TENM3: variants seen among roughly 807,000 people sequenced by gnomAD.
The protein encoded by TENM3 is teneurin-3.
Under a neutral mutation model 255.1 loss-of-function variants are expected in TENM3, and 63 were observed. The observed-to-expected ratio is 0.25, with a 90% CI of 0.20 to 0.30. The LOEUF (loss-of-function observed/expected upper bound fraction) is 0.30, where lower values mean the gene tolerates loss of function less well. TENM3 is among the 10% of genes least tolerant of loss of function. The pLI, the probability that TENM3 is intolerant of heterozygous loss-of-function variation, is 1.00. For missense variants in TENM3, 2,929 were observed against 3,461.1 expected (o/e 0.85, Z 3.86); for synonymous variants, 1,306 against 1,322.3 (o/e 0.99, Z 0.27).
chr4:181,616,565 G>T, the TENM3 span, among the ~76,000 whole-genome samples: 102,418 of 151,076 alleles, frequency 0.68, 34,974 homozygotes, highest in East Asian at 0.73. Flanking sequence ...AGAGGATTTA[G>T]TGGGGGAATT....
chr4:181,911,368 G>GC, the TENM3 span, among the ~76,000 whole-genome samples: 4 of 152,106 alleles, frequency 2.6e-5, no homozygotes, highest in Non-Finnish European at 5.9e-5. Flanking sequence ...ATGCTGTGTT[G>GC]TTTTTTTCCC....
the TENM3 span, among the ~76,000 whole-genome samples, chr4:181,737,858 A>G: frequency 6.6e-6 from 1 of 151,428 alleles, no homozygotes; most frequent in East Asian, 1.9e-4. Flanking sequence ...TGGTACTCAA[A>G]TGCAGGATGT....
chr4:182,020,901 T>TTTTTA, the TENM3 span, among the ~76,000 whole-genome samples: 1 of 152,168 alleles, frequency 6.6e-6, no homozygotes, highest in African/African-American at 2.4e-5. Context: ...TTCTTTCTTA[T>TTTTTA]TTTTATTTTA....
chr4:181,542,288 G>T, the TENM3 span, among the ~76,000 whole-genome samples: 2 of 152,140 alleles, frequency 1.3e-5, no homozygotes, highest in Non-Finnish European at 2.9e-5. Context: ...GGAGAGCAGC[G>T]AGCCAGACAG....
rs1760579403 is a variant in TENM3, at chr4:182,730,213, A to G, written c.2599A>G (p.Ile867Val). 4 of 1,613,852 alleles carry G rather than the reference A, an allele frequency of 2.5e-6. No homozygotes were observed. The highest frequency in any genetic ancestry group is 3.4e-6 in the Non-Finnish European group (4 of 1,179,812). ...SPFNKSLASV[I>V]RGQVLTADGT... ...CTTTTCCAACAGCCTTGCATCTGTC[A>G]TCAGAGGCCAAGTACTGACTGCTGA... The change falls in exon 15 of 28, where the codon ATC (isoleucine) becomes GTC (valine). Residue 867 changes from isoleucine (I) to valine (V), a missense_variant. Ile to Val is a conservative substitution (Grantham distance 29, BLOSUM62 3). Coordinates refer to ENST00000511685, the MANE Select transcript of TENM3 (RefSeq NM_001080477.4).
chr4:182,032,562 T>C, the TENM3 span, among the ~76,000 whole-genome samples: 8 of 152,212 alleles, frequency 5.3e-5, no homozygotes, highest in Non-Finnish European at 1.2e-4. Context: ...GATGCTGGCC[T>C]TATAAAATGC....
At chr4:181,823,206 G>A in the TENM3 span, among the ~76,000 whole-genome samples, 2 of 152,296 alleles carry the variant, frequency 1.3e-5, no homozygotes, top group Admixed American at 1.3e-4. Context: ...ATTCAACAGT[G>A]ATTACTTTCT....
At chr4:181,526,901 T>A in the TENM3 span, among the ~76,000 whole-genome samples, 1 of 152,196 alleles carries the variant, frequency 6.6e-6, no homozygotes, top group Non-Finnish European at 1.5e-5. Flanking sequence ...TTTCGAGTAG[T>A]AGTAAAAACA....
At chr4:182,338,844 G>A (rs1764302375) in intron 2 of TENM3, among the ~76,000 whole-genome samples, 1 of 152,076 alleles carries the variant, frequency 6.6e-6, no homozygotes, top group Non-Finnish European at 1.5e-5. Context: ...TTGTGAAAGA[G>A]GAAGATTTGA....
chr4:182,446,791 C>T (rs1372780847), intron 3 of TENM3, among the ~76,000 whole-genome samples: 1 of 152,090 alleles, frequency 6.6e-6, no homozygotes, highest in East Asian at 1.9e-4. Context: ...TAATGTTCTG[C>T]CAATTTAATT....
At chr4:182,711,538 T>C in intron 12 of TENM3, 1 of 964,268 alleles carries the variant, frequency 1.0e-6, no homozygotes, top group South Asian at 4.8e-5. Flanking sequence ...ACTTCTGAAA[T>C]GTCTGTCTGT....
At chr4:181,605,552 A>AAGGGAGAGAGAG in the TENM3 span, among the ~76,000 whole-genome samples, 2 of 29,466 alleles carry the variant, frequency 6.8e-5, no homozygotes, top group Admixed American at 4.9e-4. Context: ...GAAAGAAAGA[A>AAGGGAGAGAGAG]AGAAAGAAAG....
At chr4:182,337,963 C>G (rs923997001) in intron 2 of TENM3, among the ~76,000 whole-genome samples, 10 of 151,986 alleles carry the variant, frequency 6.6e-5, no homozygotes. Flanking sequence ...CAGTGGTTGC[C>G]TGTTGGGTGG....
At chr4:182,673,296 A>T in intron 7 of TENM3, 77 bp downstream of exon 7, 1 of 1,039,120 alleles carries the variant, frequency 9.6e-7, no homozygotes, top group Non-Finnish European at 1.4e-6. Context: ...TCTTAAGCTC[A>T]GCTGTTTGGT....
At chr4:182,256,980 G>T (rs1758445611) in intron 1 of TENM3, among the ~76,000 whole-genome samples, 1 of 151,960 alleles carries the variant, frequency 6.6e-6, no homozygotes. Flanking sequence ...GCTCCCTCAG[G>T]GTAGAATTGG....
At chr4:182,289,073 T>A (rs551035672) in intron 1 of TENM3, among the ~76,000 whole-genome samples, 19 of 150,622 alleles carry the variant, frequency 1.3e-4, no homozygotes, top group East Asian at 9.8e-4. Context: ...AAAAAAAAAA[T>A]TTAAAAATTA....
At chr4:182,342,641 A>G (rs1163860078) in intron 2 of TENM3, among the ~76,000 whole-genome samples, 1 of 152,224 alleles carries the variant, frequency 6.6e-6, no homozygotes, top group African/African-American at 2.4e-5. Context: ...TTATGTTTCA[A>G]TAAAACTGTT....
intron 12 of TENM3, among the ~76,000 whole-genome samples, chr4:182,706,526 T>G (rs373243407): frequency 3.1e-4 from 47 of 152,298 alleles, no homozygotes; most frequent in African/African-American, 1.0e-3. Flanking sequence ...CACTTTTGCT[T>G]CTTTCTCAAA....
the TENM3 span, among the ~76,000 whole-genome samples, chr4:182,006,063 C>T: frequency 9.1e-4 from 139 of 152,234 alleles, no homozygotes; most frequent in African/African-American, 3.3e-3. Context: ...TTTATTTCTT[C>T]TCTTGCCTGA....
Sources: gnomAD v4.1 joint callset for allele counts (sites outside exome capture counted in the v4.1 genomes callset) on GRCh38, gnomAD v4.1.1 for gene constraint, MANE v1.5 for transcripts, NCBI Gene and HGNC (gene_info 2026-07-23, HGNC 2026-07-21) for gene names.